The following ASIC2 variants were observed in gnomAD, a reference collection of about 807,000 sequenced individuals.
ASIC2 encodes acid sensing ion channel subunit 2, also known as acid-sensing ion channel 2.
In ASIC2, 25 loss-of-function variants were observed where a neutral mutation model predicts 57.3. The ratio of observed to expected loss-of-function variants is 0.44; its 90% CI spans 0.32 to 0.61. ASIC2 has a LOEUF of 0.61. Among genes scored for constraint, ASIC2 ranks in the 20% least tolerant of loss-of-function variants. ASIC2 has a pLI of 0.06. For synonymous variants in ASIC2, 319 were observed against 307.5 expected (o/e 1.04, Z -0.39); for missense variants, 641 against 738.1 (o/e 0.87, Z 1.52).
rs1201012869 is a variant in ASIC2 at position 33,566,990 on chromosome 17, C to T, written c.556-454923G>A. 2.0e-5 allele frequency among the ~76,000 whole-genome samples: 3 copies of T among 152,286 alleles called. No homozygotes were observed. The South Asian group carries it at 6.2e-4, about 32-fold the overall frequency. On this transcript the variant is annotated intron_variant, in intron 1 of 9. Transcript: ENST00000359872. ...GAGATCATGTTCATCTTCCAGAACC[C>T]AGCTCCTGTAGCTCCATGATTCTTT...
At chr17:33,689,810 A>G (rs1360226011) in intron 1 of ASIC2, among the ~76,000 whole-genome samples, 1 of 152,252 alleles carries the variant, frequency 6.6e-6, no homozygotes, top group Non-Finnish European at 1.5e-5. Flanking sequence ...ACAGACACAC[A>G]GAGCAGAAGG....
At chr17:33,933,573 G>T (rs1017717319) in intron 1 of ASIC2, among the ~76,000 whole-genome samples, 1 of 152,156 alleles carries the variant, frequency 6.6e-6, no homozygotes, top group Non-Finnish European at 1.5e-5. Context: ...ACAGTGGCTG[G>T]GTGACCTGGG....
At chr17:34,149,118 T>C (rs1168454532) in intron 1 of ASIC2, among the ~76,000 whole-genome samples, 1 of 151,458 alleles carries the variant, frequency 6.6e-6, no homozygotes, top group Non-Finnish European at 1.5e-5. Flanking sequence ...TCTTTTCTTT[T>C]TTTTTTGAGA....
At chr17:33,726,200 C>G (rs1339755118) in intron 1 of ASIC2, among the ~76,000 whole-genome samples, 1 of 152,052 alleles carries the variant, frequency 6.6e-6, no homozygotes, top group Non-Finnish European at 1.5e-5. Context: ...GAAAAAGCCT[C>G]GAAACTTAGA....
intron 1 of ASIC2, among the ~76,000 whole-genome samples, chr17:33,225,162 G>A (rs905737559): frequency 3.3e-4 from 50 of 152,168 alleles, no homozygotes; most frequent in Non-Finnish European, 2.1e-4. Context: ...GCAATCCTGG[G>A]GAAATCGTTG....
intron 1 of ASIC2, among the ~76,000 whole-genome samples, chr17:33,282,440 C>T (rs1904989002): frequency 7.1e-6 from 1 of 140,596 alleles, no homozygotes. Context: ...TCTTTTTCTC[C>T]AACTCTGTGT....
At chr17:33,555,734 C>T (rs1220045830) in intron 1 of ASIC2, among the ~76,000 whole-genome samples, 1 of 152,040 alleles carries the variant, frequency 6.6e-6, no homozygotes, top group African/African-American at 2.4e-5. Flanking sequence ...ATAAGGAAAT[C>T]CAGGAGGATG....
intron 1 of ASIC2, among the ~76,000 whole-genome samples, chr17:33,520,990 C>A (rs958431418): frequency 3.9e-5 from 6 of 152,232 alleles, no homozygotes; most frequent in African/African-American, 1.4e-4. Flanking sequence ...AGAGAAGGTA[C>A]TGATGTTGGC....
rs535465358 is a variant in ASIC2 at position 33,273,303 on chromosome 17, G to C, written c.708+18105C>G. On this transcript the variant is annotated intron_variant, in intron 1 of 9. Transcript: ENST00000225823. Reference sequence around the variant, plus strand: ...AGAATTAAAAAGTTATATAGCTGGGGTTTCTAACCATGACTTATCGAAGAT... The same window carrying C: ...AGAATTAAAAAGTTATATAGCTGGGCTTTCTAACCATGACTTATCGAAGAT... 1.5e-3 allele frequency among the ~76,000 whole-genome samples: 236 copies of C among 152,280 alleles called. 1 individual carries two copies. The highest frequency in any genetic ancestry group is 5.5e-3 in the African/African-American group (228 of 41,558).
At chr17:33,088,090 C>T (rs575375563) in intron 3 of ASIC2, among the ~76,000 whole-genome samples, 1 of 152,296 alleles carries the variant, frequency 6.6e-6, no homozygotes, top group East Asian at 1.9e-4. Flanking sequence ...CTAAGGTCTT[C>T]CCCAGAAACT....
chr17:34,031,024 C>T (rs1188944714), intron 1 of ASIC2, among the ~76,000 whole-genome samples: 1 of 152,216 alleles, frequency 6.6e-6, no homozygotes, highest in African/African-American at 2.4e-5. Flanking sequence ...GTGGTTCTCC[C>T]AGCACACAGC....
chr17:33,537,729 G>A (rs762512321), intron 1 of ASIC2, among the ~76,000 whole-genome samples: 2 of 152,164 alleles, frequency 1.3e-5, no homozygotes, highest in Non-Finnish European at 2.9e-5. Context: ...CTATGTCCAA[G>A]GACCACAGGG....
At chr17:33,051,367 C>G (rs1009908843) in intron 3 of ASIC2, among the ~76,000 whole-genome samples, 2 of 152,184 alleles carry the variant, frequency 1.3e-5, no homozygotes, top group African/African-American at 4.8e-5. Context: ...CTGCCCAGCT[C>G]TCTTTCTGGG....
chr17:33,940,583 G>A (rs994616755), intron 1 of ASIC2, among the ~76,000 whole-genome samples: 2 of 151,150 alleles, frequency 1.3e-5, no homozygotes, highest in African/African-American at 4.9e-5. Flanking sequence ...ACATTAAATT[G>A]AACACAACAA....
At chr17:33,221,600 C>A (rs1482308844) in intron 1 of ASIC2, among the ~76,000 whole-genome samples, 1 of 152,040 alleles carries the variant, frequency 6.6e-6, no homozygotes, top group Non-Finnish European at 1.5e-5. Context: ...AAAGAGGACC[C>A]AATGAAATGA....
intron 1 of ASIC2, among the ~76,000 whole-genome samples, chr17:33,537,321 T>C (rs917152153): frequency 2.0e-5 from 3 of 152,154 alleles, no homozygotes; most frequent in Non-Finnish European, 4.4e-5. Context: ...CTGTTTTACA[T>C]CATATAGGTC....
chr17:33,784,971 C>T (rs919946586), intron 1 of ASIC2, among the ~76,000 whole-genome samples: 1 of 152,144 alleles, frequency 6.6e-6, no homozygotes. Context: ...TATATTGTGT[C>T]TGATTAGTGC....
intron 1 of ASIC2, among the ~76,000 whole-genome samples, chr17:33,135,075 T>C (rs965322203): frequency 2.0e-5 from 3 of 152,124 alleles, no homozygotes; most frequent in Non-Finnish European, 2.9e-5. Flanking sequence ...TGCCCAGTCA[T>C]ATGCTAATAA....
At chr17:33,481,013 C>A (rs1567626136) in intron 1 of ASIC2, among the ~76,000 whole-genome samples, 1 of 152,196 alleles carries the variant, frequency 6.6e-6, no homozygotes, top group Non-Finnish European at 1.5e-5. Flanking sequence ...AATTCCTCCC[C>A]TCTCTGTCTT....
Sources: gnomAD v4.1 joint callset for allele counts (sites outside exome capture counted in the v4.1 genomes callset) on GRCh38, gnomAD v4.1.1 for gene constraint, MANE v1.5 for transcripts, NCBI Gene and HGNC (gene_info 2026-07-23, HGNC 2026-07-21) for gene names.